PLCB4: variants seen among roughly 807,000 people sequenced by gnomAD.
PLCB4 encodes the protein phospholipase C beta 4.
Under a neutral mutation model 178.8 loss-of-function variants are expected in PLCB4, and 77 were observed. The ratio of observed to expected loss-of-function variants is 0.43; its 90% CI spans 0.36 to 0.52. The LOEUF (loss-of-function observed/expected upper bound fraction) is 0.52, where lower values mean the gene tolerates loss of function less well. Ranked by LOEUF, PLCB4 falls within the 20% of genes least tolerant of loss-of-function variation. The pLI is 0.00. For synonymous variants in PLCB4, 496 were observed against 490.8 expected (o/e 1.01, Z -0.14); for missense variants, 1,024 against 1,453.4 (o/e 0.70, Z 4.80).
chr20:9,229,818 C>T (rs2093912416), intron 3 of PLCB4, among the ~76,000 whole-genome samples: 1 of 152,116 alleles, frequency 6.6e-6, no homozygotes, highest in African/African-American at 2.4e-5. Flanking sequence ...TTAAGCCCAG[C>T]ATCCACGAGC....
chr20:9,395,496 C>T (rs771083139), intron 18 of PLCB4, 27 bp from the exon 19 acceptor site: 8 of 1,517,094 alleles, frequency 5.3e-6, no homozygotes, highest in Non-Finnish European at 7.3e-6. Flanking sequence ...CATCTGTCAC[C>T]ATCTCTTTGC....
intron 4 of PLCB4, among the ~76,000 whole-genome samples, chr20:9,333,294 T>C (rs8115510): frequency 0.063 from 9,563 of 151,640 alleles, 318 homozygotes; most frequent in Middle Eastern, 0.13. Flanking sequence ...GGTGTGGGAG[T>C]CAGTCAGTAA....
At chr20:9,435,507 T>G in intron 28 of PLCB4, 53 bp from the exon 29 acceptor site, 2 of 1,014,152 alleles carry the variant, frequency 2.0e-6, no homozygotes, top group Non-Finnish European at 3.1e-6. Context: ...TTTTAATGAA[T>G]ATTTTCAGTA....
At chr20:9,436,787 T>C (rs2041800308) in intron 29 of PLCB4, among the ~76,000 whole-genome samples, 1 of 152,224 alleles carries the variant, frequency 6.6e-6, no homozygotes, top group African/African-American at 2.4e-5. Flanking sequence ...TTGGAATGGA[T>C]GTAGCATCTC....
At chr20:9,182,458 C>T (rs191967599) in intron 2 of PLCB4, among the ~76,000 whole-genome samples, 64 of 152,256 alleles carry the variant, frequency 4.2e-4, no homozygotes, top group African/African-American at 1.3e-3. Flanking sequence ...GCTCAATCAT[C>T]GCTAGGCCTA....
At chr20:9,115,517 T>A (rs8117367) in intron 2 of PLCB4, among the ~76,000 whole-genome samples, 1,717 of 151,280 alleles carry the variant, frequency 0.011, 40 homozygotes, top group African/African-American at 0.04. Flanking sequence ...CATGTTGTTG[T>A]GCTGCACCCA....
chr20:9,455,001 C>G (rs967358625), intron 33 of PLCB4, among the ~76,000 whole-genome samples: 3 of 152,156 alleles, frequency 2.0e-5, no homozygotes, highest in Admixed American at 1.3e-4. Context: ...TCACCCACCT[C>G]GGAGCTCATG....
At chr20:9,363,461 T>A (rs2035521934) in intron 8 of PLCB4, among the ~76,000 whole-genome samples, 2 of 152,210 alleles carry the variant, frequency 1.3e-5, no homozygotes, top group Non-Finnish European at 2.9e-5. Context: ...GGATCCAAAG[T>A]TACCTCTGAA....
intron 3 of PLCB4, among the ~76,000 whole-genome samples, chr20:9,252,959 A>T (rs1303706554): frequency 1.3e-5 from 2 of 152,160 alleles, no homozygotes; most frequent in Non-Finnish European, 2.9e-5. Flanking sequence ...ACTTACAGAC[A>T]GAAGATTGTG....
chr20:9,421,542 G>A (rs1450148503), intron 27 of PLCB4, 81 bp downstream of exon 27: 13 of 1,087,362 alleles, frequency 1.2e-5, no homozygotes, highest in Non-Finnish European at 1.8e-5. Context: ...ACGATACAGG[G>A]GCACTTATTC....
chr20:9,180,382 A>T (rs1367141616), intron 2 of PLCB4, among the ~76,000 whole-genome samples: 1 of 152,162 alleles, frequency 6.6e-6, no homozygotes, highest in African/African-American at 2.4e-5. Flanking sequence ...CAGCCTCTTG[A>T]TGGGGGATTT....
intron 36 of PLCB4, among the ~76,000 whole-genome samples, chr20:9,469,161 A>G (rs929201965): frequency 7.9e-5 from 12 of 152,042 alleles, no homozygotes; most frequent in African/African-American, 2.4e-4. Flanking sequence ...TTGTATTTTT[A>G]GGAGAGATGG....
intron 4 of PLCB4, among the ~76,000 whole-genome samples, chr20:9,332,653 T>G (rs2031853902): frequency 6.6e-6 from 1 of 152,186 alleles, no homozygotes; most frequent in South Asian, 2.1e-4. Context: ...TGATACGTTT[T>G]TATTTTATGA....
rs548194772 is a variant in PLCB4, at chr20:9,393,619, A to G, written c.1355A>G (p.Asn452Ser). 2.0e-5 allele frequency: 32 copies of G among 1,613,512 alleles called. No homozygotes were observed. The highest frequency in any genetic ancestry group is 1.1e-4 in the East Asian group (5 of 44,878). ...LEPGRALPSP[N>S]DLKRKILIKN... The stretch of plus-strand genomic sequence containing the variant: ...CCAGGCAGGGCTTTGCCATCCCCCA[A>G]TGACCTCAAAAGAAAAATACTCATA... The change falls in exon 18 of 40, where the codon AAT becomes AGT. Residue 452 changes from asparagine to serine, a missense_variant. By Grantham distance (46) the Asn-to-Ser change is conservative (BLOSUM62 1). This residue lies in a region of PLCB4 where 263 missense variants were observed against 417.4 expected (regional missense o/e 0.63). Transcript: ENST00000378473.
intron 2 of PLCB4, among the ~76,000 whole-genome samples, chr20:9,163,704 A>G (rs368386947): frequency 1.3e-5 from 2 of 152,248 alleles, no homozygotes; most frequent in East Asian, 3.9e-4. Context: ...GTGAACATTC[A>G]TATTTTCTTC....
intron 25 of PLCB4, among the ~76,000 whole-genome samples, chr20:9,418,242 A>G (rs1022214128): frequency 6.6e-6 from 1 of 152,144 alleles, no homozygotes; most frequent in African/African-American, 2.4e-5. Flanking sequence ...TCAGGTCATA[A>G]AGATTTGTCC....
intron 12 of PLCB4, among the ~76,000 whole-genome samples, chr20:9,373,416 T>C (rs143697128): frequency 6.6e-6 from 1 of 152,256 alleles, no homozygotes; most frequent in Non-Finnish European, 1.5e-5. Context: ...CAAGATGATA[T>C]TTAAGGTACT....
intron 3 of PLCB4, among the ~76,000 whole-genome samples, chr20:9,283,440 T>C (rs1439147199): frequency 1.3e-5 from 2 of 151,814 alleles, no homozygotes; most frequent in Non-Finnish European, 2.9e-5. Flanking sequence ...ATAGGTGGGG[T>C]TTGGGGGACG....
chr20:9,215,420 C>T (rs6118526), intron 2 of PLCB4, among the ~76,000 whole-genome samples: 1 of 152,058 alleles, frequency 6.6e-6, no homozygotes, highest in South Asian at 2.1e-4. Context: ...TCTTCATTCC[C>T]TTTTCTATAA....
Sources: gnomAD v4.1 joint callset for allele counts (sites outside exome capture counted in the v4.1 genomes callset) on GRCh38, gnomAD v4.1.1 for gene constraint, gnomAD v4.1.1 regional missense constraint, MANE v1.5 for transcripts, NCBI Gene and HGNC (gene_info 2026-07-23, HGNC 2026-07-21) for gene names.